The following OLFM3 variants were observed in gnomAD, a reference collection of about 807,000 sequenced individuals.
OLFM3 encodes the protein olfactomedin 3.
OLFM3 carries 20 observed loss-of-function variants against 48.6 expected under a neutral mutation model. The ratio of observed to expected loss-of-function variants is 0.41; its 90% CI spans 0.29 to 0.60. The LOEUF (loss-of-function observed/expected upper bound fraction) is 0.60. Ranked by LOEUF, OLFM3 falls within the 20% of genes least tolerant of loss-of-function variation. The pLI is 0.28. For synonymous variants in OLFM3, 222 were observed against 198.1 expected (o/e 1.12, Z -1.01); for missense variants, 437 against 544.3 (o/e 0.80, Z 1.96).
At chr1:101,981,617 T>C (rs1479154536) in intron 1 of OLFM3, among the ~76,000 whole-genome samples, 1 of 152,230 alleles carries the variant, frequency 6.6e-6, no homozygotes, top group East Asian at 1.9e-4. Context: ...AGCTGCCTAC[T>C]CTACAATTCC....
chr1:101,976,319 T>A (rs1277492319), intron 1 of OLFM3, among the ~76,000 whole-genome samples: 1 of 152,192 alleles, frequency 6.6e-6, no homozygotes, highest in Non-Finnish European at 1.5e-5. Context: ...CTGCATTGTA[T>A]CCAGGTAGAC....
chr1:101,876,643 G>T (rs1041467614), intron 1 of OLFM3, among the ~76,000 whole-genome samples: 2 of 151,862 alleles, frequency 1.3e-5, no homozygotes, highest in African/African-American at 4.8e-5. Context: ...GCAAATAAGA[G>T]ATAATTTTAG....
chr1:101,985,700 A>C (rs1023358709), intron 1 of OLFM3, among the ~76,000 whole-genome samples: 6 of 152,186 alleles, frequency 3.9e-5, no homozygotes, highest in Non-Finnish European at 8.8e-5. Context: ...TCTTTCAATT[A>C]AATTTGCAAA....
At chr1:101,980,061 G>A (rs975528278) in intron 1 of OLFM3, among the ~76,000 whole-genome samples, 10 of 152,124 alleles carry the variant, frequency 6.6e-5, no homozygotes, top group African/African-American at 2.4e-4. Flanking sequence ...CATTGTTTGG[G>A]CCAATTTTTC....
chr1:101,811,493 A>T (rs1178835294), intron 4 of OLFM3, among the ~76,000 whole-genome samples: 2 of 152,216 alleles, frequency 1.3e-5, no homozygotes, highest in African/African-American at 4.8e-5. Context: ...ATTTACAAGA[A>T]AAAACAAACA....
At chr1:101,931,918 A>T (rs138465127) in intron 1 of OLFM3, among the ~76,000 whole-genome samples, 2,256 of 152,286 alleles carry the variant, frequency 0.015, 52 homozygotes, top group African/African-American at 0.051. Context: ...ATCACCCGGG[A>T]CACACTCATC....
At chr1:101,843,457 G>A (rs1175248648) in intron 1 of OLFM3, among the ~76,000 whole-genome samples, 1 of 152,158 alleles carries the variant, frequency 6.6e-6, no homozygotes, top group Non-Finnish European at 1.5e-5. Flanking sequence ...TCTGAGAGCT[G>A]AGGCTTCCTC....
intron 1 of OLFM3, among the ~76,000 whole-genome samples, chr1:101,941,170 G>A (rs1468603070): frequency 6.6e-6 from 1 of 152,144 alleles, no homozygotes; most frequent in East Asian, 1.9e-4. Flanking sequence ...GTTTGACGGA[G>A]GTCCATCCGA....
intron 3 of OLFM3, among the ~76,000 whole-genome samples, chr1:101,825,913 G>C (rs1017101919): frequency 6.6e-6 from 1 of 152,072 alleles, no homozygotes; most frequent in Admixed American, 6.5e-5. Context: ...GTGTCCCAAG[G>C]CTCAAATAAA....
intron 3 of OLFM3, among the ~76,000 whole-genome samples, chr1:101,830,262 ATACT>A (rs1188328340): frequency 2.6e-5 from 4 of 152,212 alleles, no homozygotes; most frequent in Admixed American, 2.6e-4. Context: ...ATCTAGAAAA[ATACT>A]TTATTTGGAT....
chr1:101,811,498 C>T lies in OLFM3; in HGVS notation c.593-5316G>A, dbSNP rs1179718785. ...ACTCAAACAAATTTACAAGAAAAAACAAACAACCCGATCAAAAAGTGGACG... is the reference window on the plus strand; with the variant it reads ...ACTCAAACAAATTTACAAGAAAAAATAAACAACCCGATCAAAAAGTGGACG... On this transcript the variant is annotated intron_variant, in intron 4 of 5. Transcript: ENST00000370103. 2.6e-5 allele frequency among the ~76,000 whole-genome samples: 4 copies of T among 152,108 alleles called. No homozygotes were observed. In the East Asian group the frequency reaches 5.8e-4, roughly 22 times the overall value.
At chr1:101,991,007 AAAAAAAAAAAT>A (rs1661385387) in intron 1 of OLFM3, among the ~76,000 whole-genome samples, 1 of 102,966 alleles carries the variant, frequency 9.7e-6, no homozygotes, top group Admixed American at 1.0e-4. Flanking sequence ...AAAAAAAAAA[AAAAAAAAAAAT>A]ATATATATAT....
At chr1:101,994,270 A>G (rs1294765935) in intron 1 of OLFM3, among the ~76,000 whole-genome samples, 1 of 150,996 alleles carries the variant, frequency 6.6e-6, no homozygotes, top group African/African-American at 2.4e-5. Context: ...TGAAAATTTG[A>G]TGATGACCCA....
chr1:101,862,236 A>G (rs1008366760), intron 1 of OLFM3, among the ~76,000 whole-genome samples: 1 of 152,174 alleles, frequency 6.6e-6, no homozygotes, highest in African/African-American at 2.4e-5. Context: ...TCTTCCAGGC[A>G]AGTGTAGGTT....
chr1:101,931,221 G>A (rs1046985349), intron 1 of OLFM3, among the ~76,000 whole-genome samples: 9 of 152,098 alleles, frequency 5.9e-5, no homozygotes, highest in African/African-American at 9.7e-5. Flanking sequence ...CTATGTCAAG[G>A]CACTATTCTT....
chr1:101,817,858 T>G (rs1319848586), intron 4 of OLFM3, among the ~76,000 whole-genome samples: 1 of 152,046 alleles, frequency 6.6e-6, no homozygotes, highest in Non-Finnish European at 1.5e-5. Context: ...GTACCATACA[T>G]TTGGTAGTAA....
chr1:101,870,741 G>A (rs1282127920), intron 1 of OLFM3, among the ~76,000 whole-genome samples: 1 of 151,864 alleles, frequency 6.6e-6, no homozygotes, highest in African/African-American at 2.4e-5. Context: ...TTCCTGTGGG[G>A]GTGTAGGCAG....
At chr1:101,814,716 G>A (rs1421900394) in intron 4 of OLFM3, among the ~76,000 whole-genome samples, 1 of 152,144 alleles carries the variant, frequency 6.6e-6, no homozygotes, top group African/African-American at 2.4e-5. Flanking sequence ...ATTCGCTGGA[G>A]ACCTTGAACA....
Position 101,943,007 on chromosome 1 carries a change from C to T in OLFM3, c.69+53741G>A, listed in dbSNP as rs1268011662. Among the ~76,000 whole-genome samples, 12 of 152,248 alleles carry T rather than the reference C, an allele frequency of 7.9e-5. No individual in the cohort carries two copies. The South Asian group carries it at 2.5e-3, about 32-fold the overall frequency. On this transcript the variant is annotated intron_variant, in intron 1 of 5. Transcript: ENST00000370103. ...TCAGATGCATACAGGACTAACAAAA[C>T]TCAGCTTTCTCGTCTCCTGTCTGCT...
Sources: allele counts gnomAD v4.1 joint callset (sites outside exome capture counted in the v4.1 genomes callset), GRCh38; gene constraint gnomAD v4.1.1; transcripts MANE v1.5; gene names NCBI Gene and HGNC (gene_info 2026-07-23, HGNC 2026-07-21).